The following CREB3L2 variants were observed in gnomAD, a reference collection of about 807,000 sequenced individuals.
CREB3L2 encodes cyclic AMP-responsive element-binding protein 3-like protein 2.
CREB3L2 carries 23 observed loss-of-function variants against 57.2 expected under a neutral mutation model. The ratio of observed to expected loss-of-function variants is 0.40; its 90% CI spans 0.29 to 0.57. The LOEUF is 0.57. Ranked by LOEUF, CREB3L2 falls within the 20% of genes least tolerant of loss-of-function variation. The pLI is 0.42. For synonymous variants in CREB3L2, 268 were observed against 265.1 expected, an observed-to-expected ratio of 1.01 and a Z score of -0.11; for missense variants, 628 against 634.7, an observed-to-expected ratio of 0.99 and a Z score of 0.11.
At chr7:137,898,699 T>C (rs1369510844) in intron 8 of CREB3L2, among the ~76,000 whole-genome samples, 1 of 152,056 alleles carries the variant, frequency 6.6e-6, no homozygotes, top group African/African-American at 2.4e-5. Flanking sequence ...GAGTCTGTAG[T>C]GGACGAAGGA....
intron 1 of CREB3L2, among the ~76,000 whole-genome samples, chr7:137,984,535 A>T (rs1801763015): frequency 6.6e-6 from 1 of 152,234 alleles, no homozygotes; most frequent in Non-Finnish European, 1.5e-5. Context: ...CAAGCACTAC[A>T]CTAGCCCTGG....
Position 137,875,052 on chromosome 7 carries a change from T to C in CREB3L2, c.*5424A>G, listed in dbSNP as rs921297938. ...GCATAACAATTTCAATTTATTTTTT[T>C]TTCCCAAACTAAGTACAAGTGTCCT... is the stretch of plus-strand genomic sequence containing the variant. On this transcript the variant is annotated 3_prime_UTR_variant, in exon 12 of 12. Coordinates refer to ENST00000330387, the MANE Select transcript of CREB3L2 (RefSeq NM_194071.4). 1 of 192,236 alleles carries C rather than the reference T, an allele frequency of 5.2e-6. No individual in the cohort carries two copies. Among genetic ancestry groups the C allele is most frequent in the Admixed American group, 6.1e-5 (1 of 16,318 alleles). The allele number at this position is 192,236 out of a possible 1,614,324, so 11.9% of individuals were successfully genotyped here.
At chr7:137,905,588 C>G in intron 6 of CREB3L2, 114 bp downstream of exon 6, 1 of 1,155,512 alleles carries the variant, frequency 8.7e-7, no homozygotes, top group South Asian at 1.2e-5. Context: ...AGGGCTGGGC[C>G]TTGGTCTCCA....
At chr7:137,924,780 A>C (rs1335961392) in intron 2 of CREB3L2, among the ~76,000 whole-genome samples, 1 of 152,124 alleles carries the variant, frequency 6.6e-6, no homozygotes, top group African/African-American at 2.4e-5. Flanking sequence ...GGGGTTTTGA[A>C]GGCTGCACCT....
At chr7:137,948,392 G>T (rs916912263) in intron 1 of CREB3L2, among the ~76,000 whole-genome samples, 1 of 152,180 alleles carries the variant, frequency 6.6e-6, no homozygotes, top group South Asian at 2.1e-4. Context: ...TAGCCAGGGG[G>T]ACATTATGGT....
At position 137,903,845 on chromosome 7, in the gene CREB3L2, G is replaced by T; in HGVS notation, c.974+114C>A. The T allele has an allele frequency of 3.5e-6, 3 of 867,798 alleles. No individual in the cohort carries two copies. The South Asian group carries it at 4.5e-5, about 13-fold the overall frequency. 53.8% of individuals were successfully genotyped at this position (867,798 alleles called of 1,614,324 possible). On this transcript the variant is annotated intron_variant, in intron 7 of 11. Coordinates refer to ENST00000330387, the MANE Select transcript of CREB3L2 (RefSeq NM_194071.4). ...GCAAACCACAGCTGATAAACCACCG[G>T]GTTTCCAAGGTGGCCAGAAAGAGGA...
chr7:137,990,896 A>ATT (rs933250509), intron 1 of CREB3L2, among the ~76,000 whole-genome samples: 1 of 151,644 alleles, frequency 6.6e-6, no homozygotes, highest in South Asian at 2.1e-4. Flanking sequence ...CTGTTTGCAG[A>ATT]TTTTTTTTTC....
chr7:137,969,901 C>G (rs1801479095), intron 1 of CREB3L2, among the ~76,000 whole-genome samples: 1 of 151,986 alleles, frequency 6.6e-6, no homozygotes, highest in Non-Finnish European at 1.5e-5. Context: ...ATTTTTACAA[C>G]CTTTCTCAGG....
In CREB3L2 at chr7:137,901,274, TC is replaced by T. The variant is rs1799749073; in HGVS notation, c.1043+79del. ...TGTGACCTCCTCCACTTTTCTGCCA[TC>T]CCTGGTTCTGGATTCTATCCTCTTC... On this transcript the variant is annotated intron_variant, in intron 8 of 11. Coordinates refer to ENST00000330387, the MANE Select transcript of CREB3L2 (RefSeq NM_194071.4). 4.2e-6 allele frequency: 4 copies of T among 945,460 alleles called. No individual in the cohort carries two copies. The Admixed American group carries it at 7.8e-5, about 18-fold the overall frequency. The allele number at this position is 945,460 out of a possible 1,614,324, so 58.6% of individuals were successfully genotyped here.
intron 1 of CREB3L2, among the ~76,000 whole-genome samples, chr7:137,967,741 C>A (rs1337874816): frequency 6.6e-6 from 1 of 152,192 alleles, no homozygotes; most frequent in East Asian, 1.9e-4. Flanking sequence ...CTCCCAGGAA[C>A]AGGAAGCCTG....
intron 1 of CREB3L2, among the ~76,000 whole-genome samples, chr7:137,977,021 C>G (rs1379668464): frequency 2.0e-5 from 3 of 152,144 alleles, no homozygotes; most frequent in Non-Finnish European, 4.4e-5. Flanking sequence ...AGAAAATTCC[C>G]TTTATTCCTT....
chr7:137,916,126 G>C lies in CREB3L2; in HGVS notation c.320-114C>G, dbSNP rs1381632881. 3 of 722,962 alleles carry C rather than the reference G, an allele frequency of 4.1e-6. No homozygotes were observed. The African/African-American group carries it at 5.5e-5, about 13-fold the overall frequency. 44.8% of individuals were successfully genotyped at this position (722,962 alleles called of 1,614,324 possible). A position where few individuals can be genotyped will look rare whatever the true frequency, so the allele number is the denominator to read the frequency against. The stretch of plus-strand genomic sequence containing the variant: ...AAAGCTCAGTGAAGGATGATTGAAA[G>C]TAGAATAAAAGAAAATGAAATATGT... On this transcript the variant is annotated intron_variant, in intron 2 of 11. Coordinates refer to ENST00000330387, the MANE Select transcript of CREB3L2 (RefSeq NM_194071.4).
intron 7 of CREB3L2, 63 bp downstream of exon 7, chr7:137,903,896 C>T (rs958597080): frequency 8.9e-6 from 12 of 1,354,270 alleles, no homozygotes; most frequent in South Asian, 1.2e-5. Context: ...CCCGATTCTC[C>T]GCACACCCAT....
chr7:137,939,349 C>T (rs1800844132), intron 1 of CREB3L2, among the ~76,000 whole-genome samples: 1 of 148,974 alleles, frequency 6.7e-6, no homozygotes, highest in South Asian at 2.1e-4. Flanking sequence ...TCCCTGCTGC[C>T]TCTCAATCAC....
At chr7:137,940,343 T>G (rs1585645155) in intron 1 of CREB3L2, among the ~76,000 whole-genome samples, 1 of 152,208 alleles carries the variant, frequency 6.6e-6, no homozygotes, top group Non-Finnish European at 1.5e-5. Context: ...CCTACACTCT[T>G]GCATCCTACC....
chr7:137,879,662 G>A lies in CREB3L2; in HGVS notation c.*814C>T, dbSNP rs1799244574. 1.3e-5 allele frequency: 3 copies of A among 238,682 alleles called. No individual in the cohort carries two copies. The highest frequency in any genetic ancestry group is 2.5e-5 in the Non-Finnish European group (3 of 121,794). 14.8% of individuals were successfully genotyped at this position (238,682 alleles called of 1,614,324 possible). A position where few individuals can be genotyped will look rare whatever the true frequency, so the allele number is the denominator to read the frequency against. On this transcript the variant is annotated 3_prime_UTR_variant, in exon 12 of 12. Coordinates refer to ENST00000330387, the MANE Select transcript of CREB3L2 (RefSeq NM_194071.4). ...GGTGCCCTCCTAGCTCTGAAGGCTCGCAGAAAACTTGGCTAGCTTGAAAGG... is the reference window on the plus strand; with the variant it reads ...GGTGCCCTCCTAGCTCTGAAGGCTCACAGAAAACTTGGCTAGCTTGAAAGG...
At chr7:137,922,398 ATATATATATATATATATG>A (rs1563253205) in intron 2 of CREB3L2, among the ~76,000 whole-genome samples, 247 of 18,778 alleles carry the variant, frequency 0.013, 9 homozygotes, top group African/African-American at 0.054. Context: ...ATATATATAT[ATATATATATATATATATG>A]TATATATATA....
At chr7:137,913,362 C>T (rs1001955788) in intron 3 of CREB3L2, among the ~76,000 whole-genome samples, 1 of 151,940 alleles carries the variant, frequency 6.6e-6, no homozygotes, top group Non-Finnish European at 1.5e-5. Flanking sequence ...CAAAAATTAG[C>T]CAGTTGTGAT....
chr7:137,941,443 T>C (rs1041414709), intron 1 of CREB3L2, among the ~76,000 whole-genome samples: 3 of 152,194 alleles, frequency 2.0e-5, no homozygotes, highest in Admixed American at 1.3e-4. Context: ...CAGTAGCCAT[T>C]GGCTGTCCGC....
Sources: allele counts gnomAD v4.1 joint callset (sites outside exome capture counted in the v4.1 genomes callset), GRCh38; gene constraint gnomAD v4.1.1; transcripts MANE v1.5; gene names NCBI Gene and HGNC (gene_info 2026-07-23, HGNC 2026-07-21).